Variants in SPON2 observed in about 807,000 individuals in gnomAD.
SPON2 encodes spondin 2, also known as spondin-2.
A neutral mutation model predicts 29.9 loss-of-function variants in SPON2; 32 were observed. The ratio of observed to expected loss-of-function variants is 1.07; its 90% CI spans 0.81 to 1.44. The LOEUF (loss-of-function observed/expected upper bound fraction) is 1.44. Ranked by LOEUF, SPON2 falls within the 40% of genes most tolerant of loss-of-function variation. The pLI is 0.00. For synonymous variants in SPON2, 248 were observed against 209.1 expected, an observed-to-expected ratio of 1.19 and a Z score of -1.61; for missense variants, 541 against 455.5, an observed-to-expected ratio of 1.19 and a Z score of -1.71.
chr4:1,187,890 A>AT (rs1489049815), intron 1 of SPON2, among the ~76,000 whole-genome samples: 1 of 152,038 alleles, frequency 6.6e-6, no homozygotes, highest in Non-Finnish European at 1.5e-5. Flanking sequence ...GTTTTCCCCA[A>AT]TTTTTTATTG....
chr4:1,200,807 G>A, intron 1 of SPON2: 1 of 456,716 alleles, frequency 2.2e-6, no homozygotes, highest in Non-Finnish European at 4.4e-6. Flanking sequence ...CTGTGAGCAA[G>A]TGGAGAAAGC....
At position 1,171,836 on chromosome 4, in the gene SPON2, AG is replaced by A; in HGVS notation, c.220+15del. On this transcript the variant is annotated intron_variant, in intron 2 of 5. Transcript: ENST00000290902. ...CCTCCTGGTGGAGCAGGAGGCGAGG[AG>A]GGGGCTGTACTTACCCAGCAGCGAA... 6.3e-7 allele frequency: 1 copy of A among 1,583,412 alleles called. No homozygotes were observed. The highest frequency in any genetic ancestry group is 8.7e-7 in the Non-Finnish European group (1 of 1,153,364).
rs768807167 is a variant in SPON2, at chr4:1,171,462, C to G, written c.245G>C (p.Ser82Thr). ...GACGTACTGGTTCTTCCTCCACATGCTGTAGTCGGAGCTATGCGCGGCCCC... is the reference window on the plus strand; with the variant it reads ...GACGTACTGGTTCTTCCTCCACATGGTGTAGTCGGAGCTATGCGCGGCCCC... ...LLGAAHSSDY[S>T]MWRKNQYVSN... Residue 82 changes from serine (S) to threonine (T), a missense_variant, in exon 3 of 6, where the codon AGC becomes ACC. By Grantham distance (58) the Ser-to-Thr change is moderately conservative. Coordinates refer to ENST00000290902, the MANE Select transcript of SPON2 (RefSeq NM_012445.4). The G allele has an allele frequency of 5.0e-6, 8 of 1,611,956 alleles. No individual in the cohort carries two copies. The highest frequency in any genetic ancestry group is 6.8e-6 in the Non-Finnish European group (8 of 1,179,688).
At chr4:1,169,013 G>A (rs2153076579) in intron 5 of SPON2, among the ~76,000 whole-genome samples, 1 of 152,214 alleles carries the variant, frequency 6.6e-6, no homozygotes, top group African/African-American at 2.4e-5. Flanking sequence ...TGGCACAGCT[G>A]GCTCTGTCCG....
At chr4:1,176,838 AG>A (rs1727611349), upstream of SPON2, among the ~76,000 whole-genome samples, 8 of 115,700 alleles carry the variant, frequency 6.9e-5, no homozygotes, top group Admixed American at 3.1e-4. Context: ...TCATTCACAC[AG>A]TTCATTCACA....
chr4:1,173,680 G>C (rs1197075311), upstream of SPON2, among the ~76,000 whole-genome samples: 1 of 152,240 alleles, frequency 6.6e-6, no homozygotes, highest in Non-Finnish European at 1.5e-5. Context: ...ACACTCTGAT[G>C]TTTGGAACCC....
chr4:1,198,062 A>AC (rs34036053), upstream of SPON2, among the ~76,000 whole-genome samples: 1 of 151,260 alleles, frequency 6.6e-6, no homozygotes, highest in East Asian at 1.9e-4. Flanking sequence ...AAAAAAAAAA[A>AC]CTAAAACAAA....
Position 1,171,983 on chromosome 4 carries a change from C to A in SPON2, c.89G>T (p.Gly30Val). ...TCTGGCGGAACAGATGGACTCTCCC[C>A]CAAGAGGCTGGCCGGCGGCGCCGAG... ...ATLGAAGQPL[G>V]GESICSARAL... Residue 30 changes from glycine (G) to valine (V), a missense_variant, in exon 2 of 6, where the codon GGG becomes GTG. Physicochemically the swap from Gly to Val is moderately radical, Grantham distance 109. Coordinates refer to ENST00000290902, the MANE Select transcript of SPON2 (RefSeq NM_012445.4). The A allele has an allele frequency of 6.2e-7, 1 of 1,612,946 alleles. No homozygotes were observed. Among genetic ancestry groups the A allele is most frequent in the South Asian group, 1.1e-5 (1 of 91,084 alleles).
intron 1 of SPON2, among the ~76,000 whole-genome samples, chr4:1,182,867 T>C (rs2108658773): frequency 6.6e-6 from 1 of 152,204 alleles, no homozygotes; most frequent in Non-Finnish European, 1.5e-5. Flanking sequence ...CACAAGATTA[T>C]CAGCAGATAT....
chr4:1,170,951 C>A, intron 4 of SPON2, 48 bp downstream of exon 4: 16 of 1,545,286 alleles, frequency 1.0e-5, no homozygotes, highest in African/African-American at 1.4e-5. Context: ...GCCCCGTCCC[C>A]ACCGCGGGGG....
At position 1,203,734 on chromosome 4, in the gene SPON2, G is replaced by A. The variant is rs116057774; in HGVS notation, c.-234+4146C>T. 4.3e-3 allele frequency among the ~76,000 whole-genome samples: 653 copies of A among 152,270 alleles called. 7 individuals carry two copies. The highest frequency in any genetic ancestry group is 0.015 in the African/African-American group (629 of 41,548). On this transcript the variant is annotated intron_variant, in intron 1 of 3. Transcript: ENST00000509233. ...GACACCTATGATGCTTTCGGTTCCA[G>A]CCATCCCAGTGGGTGTGAGGTGTGG...
upstream of SPON2, among the ~76,000 whole-genome samples, chr4:1,174,762 C>A (rs896492353): frequency 6.6e-6 from 1 of 152,128 alleles, no homozygotes; most frequent in African/African-American, 2.4e-5. Context: ...TACGTTGGTG[C>A]GAATCTTTGT....
In SPON2 at chr4:1,167,298, G is replaced by T. The variant is rs1343677589; in HGVS notation, c.*174C>A. On this transcript the variant is annotated 3_prime_UTR_variant, in exon 6 of 6. Coordinates refer to ENST00000290902, the MANE Select transcript of SPON2 (RefSeq NM_012445.4). ...GGAAAGGAGGAGGCTGTTTCCCAAT[G>T]CCCGTGCCGGCCACCAGAGGGCCCT... 1.6e-6 allele frequency: 1 copy of T among 623,678 alleles called. No individual in the cohort carries two copies. The highest frequency in any genetic ancestry group is 3.3e-5 in the Admixed American group (1 of 30,608). The allele number at this position is 623,678 out of a possible 1,614,324, so 38.6% of individuals were successfully genotyped here. A position where few individuals can be genotyped will look rare whatever the true frequency, so the allele number is the denominator to read the frequency against.
In SPON2 at chr4:1,172,563, C is replaced by T; in HGVS notation, c.-23G>A. 1 of 159,204 alleles carries T rather than the reference C, an allele frequency of 6.3e-6. No individual in the cohort carries two copies. The allele number at this position is 159,204 out of a possible 1,614,324, so 9.9% of individuals were successfully genotyped here. On this transcript the variant is annotated 5_prime_UTR_variant, in exon 1 of 6. Transcript: ENST00000290902. ...ACTCACCCGGCAGGAGCAGCGGGAG[C>T]GCGGCCGGCAGCGGTCGGGTCCCAG...
chr4:1,175,095 C>T (rs374052039), upstream of SPON2, among the ~76,000 whole-genome samples: 14 of 152,244 alleles, frequency 9.2e-5, no homozygotes, highest in East Asian at 3.8e-4. Flanking sequence ...TTTCCCAGAG[C>T]GGCATGGGGC....
chr4:1,175,081 C>G (rs527965615), upstream of SPON2, among the ~76,000 whole-genome samples: 5 of 152,224 alleles, frequency 3.3e-5, no homozygotes, highest in Non-Finnish European at 7.3e-5. Context: ...AATCCACAGG[C>G]CTTTTTCCCA....
intron 5 of SPON2, among the ~76,000 whole-genome samples, chr4:1,169,248 G>A (rs1370169777): frequency 6.6e-6 from 1 of 152,028 alleles, no homozygotes; most frequent in Non-Finnish European, 1.5e-5. Flanking sequence ...GGCTCTTCCC[G>A]CCAGACCAGT....
At chr4:1,207,344 C>T (rs928756448) in intron 1 of SPON2, among the ~76,000 whole-genome samples, 3 of 152,160 alleles carry the variant, frequency 2.0e-5, no homozygotes, top group South Asian at 2.1e-4. Context: ...CTGGCCCCGG[C>T]GTCCCCACAG....
At chr4:1,177,503 GGTTT>G (rs1429565556), upstream of SPON2, among the ~76,000 whole-genome samples, 1 of 152,104 alleles carries the variant, frequency 6.6e-6, no homozygotes. Flanking sequence ...GGTTTCCATG[GGTTT>G]GTTTGTGAGC....
Sources: gnomAD v4.1 joint callset for allele counts (sites outside exome capture counted in the v4.1 genomes callset) on GRCh38, gnomAD v4.1.1 for gene constraint, MANE v1.5 for transcripts, NCBI Gene and HGNC (gene_info 2026-07-23, HGNC 2026-07-21) for gene names.